Variants in H2BC18 observed in about 807,000 individuals in gnomAD.
The protein encoded by H2BC18 is histone H2B type 2-F.
H2BC18 carries 8 observed loss-of-function variants against 6.3 expected under a neutral mutation model. The ratio of observed to expected loss-of-function variants is 1.28; its 90% confidence interval spans 0.75 to 2.31. The LOEUF (loss-of-function observed/expected upper bound fraction) is 2.31. Ranked by LOEUF, H2BC18 falls within the 30% of genes most tolerant of loss-of-function variation. The pLI is 0.00. For missense variants in H2BC18, 106 were observed against 174.5 expected (o/e 0.61, Z 2.21); for synonymous variants, 104 against 78.1 (o/e 1.33, Z -1.75).
chr1:149,786,529 T>G (rs1331791839), intron 1 of H2BC18: 1 of 152,258 alleles, frequency 6.6e-6, no homozygotes, highest in African/African-American at 2.4e-5. Flanking sequence ...GGAATTCAAT[T>G]GCAGCTCACT....
chr1:149,784,284 C>T lies in H2BC18; in HGVS notation c.378-1024G>A, dbSNP rs782586399. 1.9e-5 allele frequency: 31 copies of T among 1,609,120 alleles called. 1 individual carries two copies. The highest frequency in any genetic ancestry group is 1.7e-4 in the Admixed American group (10 of 59,966). The stretch of plus-strand genomic sequence containing the variant: ...TAATTATGACTTGGACCAGGAGGGC[C>T]GGAAACCACAAGGTCTTCCTCTGCG... On this transcript the variant is annotated intron_variant, in intron 1 of 1. Transcript: ENST00000545683.
At chr1:149,809,700 A>T (rs1238882253), downstream of H2BC18, among the ~76,000 whole-genome samples, 2 of 143,896 alleles carry the variant, frequency 1.4e-5, no homozygotes, top group Admixed American at 6.6e-5. Context: ...ACAGTTTAAA[A>T]AGCTACACAA....
intron 1 of H2BC18, among the ~76,000 whole-genome samples, chr1:149,804,472 T>C (rs1455929951): frequency 6.6e-6 from 1 of 152,228 alleles, no homozygotes; most frequent in Non-Finnish European, 1.5e-5. Flanking sequence ...ATACAGAAGG[T>C]CTTATTTCCT....
chr1:149,802,510 T>A (rs1261948060), intron 1 of H2BC18, among the ~76,000 whole-genome samples: 1 of 152,078 alleles, frequency 6.6e-6, no homozygotes, highest in Non-Finnish European at 1.5e-5. Context: ...GGGACAAAAC[T>A]AATAGGGGAG....
At chr1:149,784,068 AC>A in intron 1 of H2BC18, 1 of 1,611,014 alleles carries the variant, frequency 6.2e-7, no homozygotes, top group Non-Finnish European at 8.5e-7. Flanking sequence ...GGAAACCGTA[AC>A]CTTGCACTGT....
intron 1 of H2BC18, among the ~76,000 whole-genome samples, chr1:149,800,162 A>T (rs1361924491): frequency 6.6e-6 from 1 of 152,172 alleles, no homozygotes; most frequent in Non-Finnish European, 1.5e-5. Context: ...CTGGTTTATA[A>T]CAAAAAATAC....
Position 149,788,262 on chromosome 1 carries a change from G to A in H2BC18, c.378-5002C>T, listed in dbSNP as rs1194059024. The stretch of plus-strand genomic sequence containing the variant: ...GCCTGAGATTTGGCAGAGCTCTGAG[G>A]CTGGATGTTGCAAGGAGAAAAAATA... On this transcript the variant is annotated intron_variant, in intron 1 of 1. Coordinates refer to the H2BC18 transcript ENST00000545683. 8.7e-6 allele frequency: 14 copies of A among 1,608,546 alleles called. No homozygotes were observed. The African/African-American group carries it at 1.6e-4, about 18-fold the overall frequency.
At chr1:149,784,046 C>T (rs143357831) in intron 1 of H2BC18, 24 of 1,610,162 alleles carry the variant, frequency 1.5e-5, no homozygotes, top group African/African-American at 4.1e-5. Flanking sequence ...CATGGGTCAG[C>T]GTGTTCCAAG....
rs587730949 is a variant in H2BC18 at position 149,800,558 on chromosome 1, G to A, written c.377+11389C>T. ...ACTTTGGTGTTTCTAAGGATTTTAG[G>A]AGTTGTATGTCAGGAAATGGGGTTG... On this transcript the variant is annotated intron_variant, in intron 1 of 1. Coordinates refer to the H2BC18 transcript ENST00000545683. 3.0e-3 allele frequency among the ~76,000 whole-genome samples: 432 copies of A among 141,866 alleles called. 1 individual carries two copies. The highest frequency in any genetic ancestry group is 0.011 in the African/African-American group (416 of 37,690). 93.1% of individuals were successfully genotyped at this position (141,866 alleles called of 152,430 possible).
intron 1 of H2BC18, among the ~76,000 whole-genome samples, chr1:149,785,408 G>GTT (rs10670379): frequency 0.04 from 2,739 of 67,648 alleles, 681 homozygotes; most frequent in Non-Finnish European, 0.075. Context: ...GAGCTGTTTC[G>GTT]TTTTTTTTTT....
At position 149,811,932 on chromosome 1, in the gene H2BC18, CT is replaced by C; in HGVS notation, c.*10del. The C allele has an allele frequency of 6.2e-7, 1 of 1,608,992 alleles. No individual in the cohort carries two copies. Among genetic ancestry groups the C allele is most frequent in the Non-Finnish European group, 8.5e-7 (1 of 1,175,980 alleles). On this transcript the variant is annotated 3_prime_UTR_variant, in exon 1 of 1. Coordinates refer to ENST00000369167, the MANE Select transcript of H2BC18 (RefSeq NM_001024599.5). ...GTTAGGTGGTTGATCTATTGCGTCC[CT>C]TGCACACTCTTACTTCGAGCTGGTG...
At chr1:149,788,475 A>G (rs1553751134) in intron 1 of H2BC18, 1 of 1,613,704 alleles carries the variant, frequency 6.2e-7, no homozygotes, top group South Asian at 1.1e-5. Context: ...TTTACTATCG[A>G]AATGGCAAAG....
rs1553754694 is a variant in H2BC18, at chr1:149,812,368, A to C, written c.-45T>G. The stretch of plus-strand genomic sequence containing the variant: ...AAAGAGACTTAAAGAAGTAATCCGA[A>C]CTACCGCAAAACGGGCTGGTTATGC... On this transcript the variant is annotated 5_prime_UTR_variant, in exon 1 of 1. Transcript: ENST00000369167. The C allele has an allele frequency of 6.2e-7, 1 of 1,613,670 alleles. No homozygotes were observed. The highest frequency in any genetic ancestry group is 8.5e-7 in the Non-Finnish European group (1 of 1,179,796).
chr1:149,789,921 A>C (rs1410999889), intron 1 of H2BC18: 4 of 1,565,554 alleles, frequency 2.6e-6, no homozygotes, highest in Non-Finnish European at 3.5e-6. Flanking sequence ...CTCTGCTGGA[A>C]GTAAAAAGGG....
intron 1 of H2BC18, chr1:149,784,277 G>A (rs371428702): frequency 6.2e-7 from 1 of 1,609,504 alleles, no homozygotes; most frequent in Non-Finnish European, 8.5e-7. Flanking sequence ...ACTTGGACCA[G>A]GAGGGCCGGA....
intron 1 of H2BC18, among the ~76,000 whole-genome samples, chr1:149,797,344 C>G (rs1389026302): frequency 1.3e-5 from 2 of 152,060 alleles, no homozygotes; most frequent in Non-Finnish European, 2.9e-5. Flanking sequence ...GAAAAGTCAA[C>G]ATTTTGTCTA....
intron 1 of H2BC18, among the ~76,000 whole-genome samples, chr1:149,788,839 A>G (rs2091622111): frequency 6.6e-6 from 1 of 152,094 alleles, no homozygotes; most frequent in Non-Finnish European, 1.5e-5. Flanking sequence ...CCCATCAACA[A>G]TCACAGGAGC....
Position 149,812,096 on chromosome 1 carries a change from T to G in H2BC18, c.228A>C (p.Gly76=). Reference sequence around the variant, plus strand: ...TGTAGTGCGCCAGGCGGGACGCCTCTCCCGCGATGCGCTCGAAGATGTCGT... The same window carrying G: ...TGTAGTGCGCCAGGCGGGACGCCTCGCCCGCGATGCGCTCGAAGATGTCGT... The part of the protein sequence containing the change: ...FVNDIFERIA[G]EASRLAHYNK... Residue 76 remains glycine, a synonymous_variant, in exon 1 of 1, where the codon GGA becomes GGC. Transcript: ENST00000369167. 1 of 1,614,252 alleles carries G rather than the reference T, an allele frequency of 6.2e-7. No individual in the cohort carries two copies. The highest frequency in any genetic ancestry group is 8.5e-7 in the Non-Finnish European group (1 of 1,180,046).
At chr1:149,787,245 C>T (rs2091576408) in intron 1 of H2BC18, 3 of 152,186 alleles carry the variant, frequency 2.0e-5, no homozygotes, top group Admixed American at 2.0e-4. Flanking sequence ...ATAGAAACAC[C>T]TGCCTTCCAT....
Sources: allele counts gnomAD v4.1 joint callset (sites outside exome capture counted in the v4.1 genomes callset), GRCh38; gene constraint gnomAD v4.1.1; transcripts MANE v1.5; gene names NCBI Gene and HGNC (gene_info 2026-07-23, HGNC 2026-07-21).